The following MIER2 variants were observed in gnomAD, a reference collection of about 807,000 sequenced individuals.
MIER2 encodes the protein mesoderm induction early response protein 2.
In MIER2, 30 loss-of-function variants were observed where a neutral mutation model predicts 67.6. That is an observed-to-expected ratio of 0.44 (90% CI 0.33 to 0.60). The LOEUF is 0.60. Ranked by LOEUF, MIER2 falls within the 20% of genes least tolerant of loss-of-function variation. The pLI is 0.02. For synonymous variants in MIER2, 372 were observed against 312.6 expected, an observed-to-expected ratio of 1.19 and a Z score of -2.00; for missense variants, 702 against 745.1, an observed-to-expected ratio of 0.94 and a Z score of 0.67.
chr19:334,816 G>A (rs531107821), intron 2 of MIER2, among the ~76,000 whole-genome samples: 7 of 152,170 alleles, frequency 4.6e-5, no homozygotes, highest in South Asian at 2.1e-4. Flanking sequence ...AGAAGCCTGC[G>A]AGGATTTGGG....
chr19:339,149 C>T (rs894850751), intron 1 of MIER2, among the ~76,000 whole-genome samples: 11 of 148,070 alleles, frequency 7.4e-5, no homozygotes, highest in African/African-American at 1.5e-4. Context: ...CTTCAAAGGA[C>T]GCCCCCAAGA....
chr19:322,432 T>G (rs577968726), intron 7 of MIER2, among the ~76,000 whole-genome samples: 1 of 151,982 alleles, frequency 6.6e-6, no homozygotes, highest in East Asian at 1.9e-4. Context: ...AACCACAAAC[T>G]GGAGAAAACA....
At chr19:309,402 C>G (rs890699366) in intron 10 of MIER2, among the ~76,000 whole-genome samples, 1 of 152,128 alleles carries the variant, frequency 6.6e-6, no homozygotes, top group Non-Finnish European at 1.5e-5. Flanking sequence ...CACAAGCCCG[C>G]GGCGCCTGCT....
chr19:310,325 C>T (rs1431933932), intron 10 of MIER2, among the ~76,000 whole-genome samples: 1 of 152,224 alleles, frequency 6.6e-6, no homozygotes, highest in Non-Finnish European at 1.5e-5. Context: ...TGCCTGGGGG[C>T]GAGACCGAGA....
intron 10 of MIER2, among the ~76,000 whole-genome samples, chr19:309,581 C>T (rs1240567400): frequency 7.3e-5 from 11 of 149,788 alleles, no homozygotes; most frequent in South Asian, 2.1e-4. Context: ...GGGACACACA[C>T]ACACACACAC....
Position 344,647 on chromosome 19 carries a change from C to T in MIER2, c.9+127G>A, listed in dbSNP as rs1030488936. 1.5e-5 allele frequency: 9 copies of T among 592,174 alleles called. No homozygotes were observed. In the African/African-American group the frequency reaches 1.6e-4, roughly 11 times the overall value. 36.7% of individuals were successfully genotyped at this position (592,174 alleles called of 1,614,324 possible). A position where few individuals can be genotyped will look rare whatever the true frequency, so the allele number is the denominator to read the frequency against. Reference sequence around the variant, plus strand: ...TCCGGCCCCGGACGGGCCAGGCGCCCCGGCCGGCCTCAGAGCTCCAGAGCG... The same window carrying T: ...TCCGGCCCCGGACGGGCCAGGCGCCTCGGCCGGCCTCAGAGCTCCAGAGCG... On this transcript the variant is annotated intron_variant, in intron 1 of 13. Transcript: ENST00000264819.
At chr19:313,409 G>A (rs1971101364) in intron 8 of MIER2, 83 bp downstream of exon 8, 1 of 1,550,754 alleles carries the variant, frequency 6.4e-7, no homozygotes. Context: ...GCCCTCCCTG[G>A]CCCCTGGAGG....
chr19:317,730 CAAAA>C (rs10710807), intron 7 of MIER2, among the ~76,000 whole-genome samples: 2 of 84,330 alleles, frequency 2.4e-5, no homozygotes, highest in African/African-American at 4.5e-5. Context: ...GACTCTGTCT[CAAAA>C]AAAAAAAAAA....
intron 1 of MIER2, chr19:344,112 A>C: frequency 1.0e-6 from 1 of 985,462 alleles, no homozygotes; most frequent in Non-Finnish European, 1.2e-6. Flanking sequence ...AGGAGGCTCC[A>C]GAAGTAACTT....
intron 1 of MIER2, among the ~76,000 whole-genome samples, chr19:339,512 T>C (rs1044169307): frequency 6.6e-6 from 1 of 152,206 alleles, no homozygotes; most frequent in African/African-American, 2.4e-5. Flanking sequence ...AATGTCAAAA[T>C]AGTGCAGCCA....
chr19:312,136 T>A, intron 9 of MIER2, 55 bp downstream of exon 9: 1 of 1,228,342 alleles, frequency 8.1e-7, no homozygotes. Flanking sequence ...GGGAGAACGG[T>A]CAGCAGTGCC....
rs1006894919 is a variant in MIER2, at chr19:326,455, C to T, written c.585+52G>A. 6.3e-5 allele frequency: 97 copies of T among 1,528,550 alleles called. 1 individual carries two copies. Among genetic ancestry groups the T allele is most frequent in the East Asian group, 5.5e-4 (24 of 43,916 alleles). The allele number at this position is 1,528,550 out of a possible 1,614,324, so 94.7% of individuals were successfully genotyped here. Reference sequence around the variant, plus strand: ...CGGTCGGGATGCCAGGTTGGGGAGACGGCAGAACCACGGCCGGGATGCCAG... The same window carrying T: ...CGGTCGGGATGCCAGGTTGGGGAGATGGCAGAACCACGGCCGGGATGCCAG... On this transcript the variant is annotated intron_variant, in intron 6 of 13. Transcript: ENST00000264819.
rs556982408 is a variant in MIER2, at chr19:315,892, G to C, written c.656-2249C>G. Among the ~76,000 whole-genome samples, 4 of 152,368 alleles carry C rather than the reference G, an allele frequency of 2.6e-5. No homozygotes were observed. The South Asian group carries it at 8.3e-4, about 32-fold the overall frequency. On this transcript the variant is annotated intron_variant, in intron 7 of 13. Coordinates refer to ENST00000264819, the MANE Select transcript of MIER2 (RefSeq NM_017550.3). Reference sequence around the variant, plus strand: ...CACGAAGACGTGTGCACAGGCACAGGAGAGCCAAACTGGTGAAAAACAAAC... The same window carrying C: ...CACGAAGACGTGTGCACAGGCACAGCAGAGCCAAACTGGTGAAAAACAAAC...
At chr19:312,324 G>C in intron 8 of MIER2, 52 bp from the exon 9 acceptor site, 1 of 1,565,180 alleles carries the variant, frequency 6.4e-7, no homozygotes, top group Non-Finnish European at 8.8e-7. Flanking sequence ...GGAGCCGACA[G>C]CAAGAACTGT....
chr19:321,575 C>A (rs137994015), intron 7 of MIER2, among the ~76,000 whole-genome samples: 1 of 151,596 alleles, frequency 6.6e-6, no homozygotes, highest in East Asian at 1.9e-4. Context: ...ATCCAGGAGG[C>A]GGAGGTTGTG....
At chr19:343,795 C>T (rs1005415144) in intron 1 of MIER2, 4 of 975,528 alleles carry the variant, frequency 4.1e-6, no homozygotes, top group African/African-American at 1.8e-5. Context: ...TCGCAGCCGC[C>T]GCACCTTCAC....
chr19:311,743 G>A (rs1389665634), intron 10 of MIER2, 102 bp downstream of exon 10: 4 of 1,125,030 alleles, frequency 3.6e-6, no homozygotes, highest in Non-Finnish European at 5.2e-6. Context: ...ACAGGACACG[G>A]GGCTCCAGGC....
rs545171882 is a variant in MIER2 at position 339,574 on chromosome 19, T to C, written c.10-3401A>G. Among the ~76,000 whole-genome samples, 11 of 152,346 alleles carry C rather than the reference T, an allele frequency of 7.2e-5. No homozygotes were observed. In the East Asian group the frequency reaches 2.1e-3, roughly 29 times the overall value. ...CCAAAAGTTAAATAGTATTTAACCATGTGACCCAGGTCAGGGTCCTAATAT... is the reference window on the plus strand; with the variant it reads ...CCAAAAGTTAAATAGTATTTAACCACGTGACCCAGGTCAGGGTCCTAATAT... On this transcript the variant is annotated intron_variant, in intron 1 of 13. Transcript: ENST00000264819.
chr19:324,593 T>C (rs566151784), intron 7 of MIER2, among the ~76,000 whole-genome samples: 2 of 122,984 alleles, frequency 1.6e-5, no homozygotes, highest in Non-Finnish European at 3.2e-5. Flanking sequence ...CACAATGCAA[T>C]ACACAAGACA....
Sources: allele counts gnomAD v4.1 joint callset (sites outside exome capture counted in the v4.1 genomes callset), GRCh38; gene constraint gnomAD v4.1.1; transcripts MANE v1.5; gene names NCBI Gene and HGNC (gene_info 2026-07-23, HGNC 2026-07-21).